Variants in PCDHGA6 observed in about 807,000 individuals in gnomAD.
The protein encoded by PCDHGA6 is protocadherin gamma subfamily A, 6.
A neutral mutation model predicts 60.6 loss-of-function variants in PCDHGA6; 41 were observed. That is an observed-to-expected ratio of 0.68 (90% confidence interval 0.53 to 0.88). PCDHGA6 has a LOEUF of 0.88. Among genes scored for constraint, PCDHGA6 ranks in the 40% least tolerant of loss-of-function variants. PCDHGA6 has a pLI of 0.00. For missense variants in PCDHGA6, 1,312 were observed against 1,203.0 expected, an observed-to-expected ratio of 1.09 and a Z score of -1.34; for synonymous variants, 594 against 524.4, an observed-to-expected ratio of 1.13 and a Z score of -1.81.
chr5:141,417,236 A>T (rs1387216221), intron 1 of PCDHGA6: 2 of 152,220 alleles, frequency 1.3e-5, no homozygotes, highest in Admixed American at 1.3e-4. Flanking sequence ...TTTGTTGCTT[A>T]TCTTCAGTAC....
chr5:141,410,530 T>C (rs1400165380), intron 1 of PCDHGA6: 1 of 1,613,956 alleles, frequency 6.2e-7, no homozygotes, highest in South Asian at 1.1e-5. Context: ...TACATTCCAA[T>C]GAAGACATGG....
intron 1 of PCDHGA6, chr5:141,388,545 C>G: frequency 6.2e-7 from 1 of 1,613,798 alleles, no homozygotes. Flanking sequence ...TGGAGCTCCA[C>G]CCCTAAGCAG....
In PCDHGA6 at chr5:141,423,110, G is replaced by A. The variant is rs62621243; in HGVS notation, c.2424+46603G>A. On this transcript the variant is annotated intron_variant, in intron 1 of 3. Coordinates refer to ENST00000517434, the MANE Select transcript of PCDHGA6 (RefSeq NM_018919.3). ...GTGGGGGAGCACACGGGCGAGGTGC[G>A]TACAGCGCGGGCACTGCTGGACAGA... The A allele has an allele frequency of 0.016, 25,324 of 1,613,842 alleles. 257 individuals carry two copies. Among genetic ancestry groups the A allele is most frequent in the Non-Finnish European group, 0.019 (22,060 of 1,179,980 alleles).
Position 141,477,140 on chromosome 5 carries a change from G to GT in PCDHGA6, c.2425-17665dup. ...AGCACATTGCAAAGTGTTGGTGGAG[G>GT]TTGTGGATGTGAATGACAACGCCCC... On this transcript the variant is annotated intron_variant, in intron 1 of 3. Transcript: ENST00000517434. The surrounding 1 kb of genome is among the most constrained non-coding windows in gnomAD (Gnocchi z 4.9). 1 of 1,614,220 alleles carries GT rather than the reference G, an allele frequency of 6.2e-7. No homozygotes were observed. Among genetic ancestry groups the GT allele is most frequent in the Non-Finnish European group, 8.5e-7 (1 of 1,180,048 alleles).
At chr5:141,410,693 A>C in intron 1 of PCDHGA6, 1 of 1,496,902 alleles carries the variant, frequency 6.7e-7, no homozygotes, top group Non-Finnish European at 8.9e-7. Flanking sequence ...ATACTACTTT[A>C]TTTTCATATC....
rs1226194073 is a variant in PCDHGA6, at chr5:141,490,496, A to G, written c.2425-4311A>G. The G allele has an allele frequency of 6.2e-7, 1 of 1,614,096 alleles. No individual in the cohort carries two copies. Among genetic ancestry groups the G allele is most frequent in the East Asian group, 2.2e-5 (1 of 44,894 alleles). On this transcript the variant is annotated intron_variant, in intron 1 of 3. Coordinates refer to ENST00000517434, the MANE Select transcript of PCDHGA6 (RefSeq NM_018919.3). The surrounding 1 kb of genome is among the most constrained non-coding windows in gnomAD (Gnocchi z 5.4). ...CCTTTGGACCGGGAGGCCACATCCCACTATATCATCGAGCTGCTGGCCAGC... is the reference window on the plus strand; with the variant it reads ...CCTTTGGACCGGGAGGCCACATCCCGCTATATCATCGAGCTGCTGGCCAGC...
chr5:141,437,892 C>A (rs2097916583), intron 1 of PCDHGA6, among the ~76,000 whole-genome samples: 2 of 152,116 alleles, frequency 1.3e-5, no homozygotes, highest in Admixed American at 1.3e-4. Context: ...CACACGCCAC[C>A]ACACCCAGCT....
intron 1 of PCDHGA6, chr5:141,414,152 A>G (rs1251267001): frequency 1.9e-6 from 3 of 1,600,994 alleles, no homozygotes; most frequent in Non-Finnish European, 2.6e-6. Context: ...ATACAAGCAG[A>G]AGATGGAGGA....
chr5:141,433,767 G>T (rs1237334342), intron 1 of PCDHGA6, among the ~76,000 whole-genome samples: 1 of 151,532 alleles, frequency 6.6e-6, no homozygotes, highest in Non-Finnish European at 1.5e-5. Flanking sequence ...AACCTGGGAG[G>T]TGGAGGTTGC....
At position 141,472,368 on chromosome 5, in the gene PCDHGA6, C is replaced by T. The variant is rs555805048; in HGVS notation, c.2425-22439C>T. ...CATCCTGGCTAACACGGTGAAACCC[C>T]GTCTCCACTAAAAATAGAAAAAATT... is the stretch of plus-strand genomic sequence containing the variant. On this transcript the variant is annotated intron_variant, in intron 1 of 3. Transcript: ENST00000517434. Among the ~76,000 whole-genome samples, 214 of 152,012 alleles carry T rather than the reference C, an allele frequency of 1.4e-3. 1 individual carries two copies. The highest frequency in any genetic ancestry group is 4.8e-3 in the African/African-American group (199 of 41,452).
In PCDHGA6 at chr5:141,475,307, T is replaced by C. The variant is rs527879991; in HGVS notation, c.2425-19500T>C. The stretch of plus-strand genomic sequence containing the variant: ...GGTAGGGAAATTTCTTATTGCTCCC[T>C]GGTTCTTAAGAAATGAGAGCTAACA... On this transcript the variant is annotated intron_variant, in intron 1 of 3. Transcript: ENST00000517434. 2.8e-4 allele frequency among the ~76,000 whole-genome samples: 43 copies of C among 152,348 alleles called. 1 individual carries two copies. Among genetic ancestry groups the C allele is most frequent in the Admixed American group, 8.5e-4 (13 of 15,298 alleles).
chr5:141,501,290 TAC>T (rs55762287), intron 2 of PCDHGA6, among the ~76,000 whole-genome samples: 11,544 of 136,022 alleles, frequency 0.085, 708 homozygotes, highest in East Asian at 0.37. Context: ...TATTCCCTTA[TAC>T]ACACACACAC....
At position 141,489,646 on chromosome 5, in the gene PCDHGA6, C is replaced by A. The variant is rs1274955075; in HGVS notation, c.2425-5161C>A. 1.2e-6 allele frequency: 2 copies of A among 1,614,186 alleles called. No homozygotes were observed. The highest frequency in any genetic ancestry group is 2.7e-5 in the African/African-American group (2 of 75,048). On this transcript the variant is annotated intron_variant, in intron 1 of 3. Coordinates refer to ENST00000517434, the MANE Select transcript of PCDHGA6 (RefSeq NM_018919.3). This position sits in a 1 kb window ranked among gnomAD's most constrained non-coding sequence, Gnocchi z 4.5. Reference sequence around the variant, plus strand: ...TGACAACTCTCCTAGCTTTGCCACCCCTGAGCGAGAGATGCGCATCTCAGA... The same window carrying A: ...TGACAACTCTCCTAGCTTTGCCACCACTGAGCGAGAGATGCGCATCTCAGA...
At position 141,413,304 on chromosome 5, in the gene PCDHGA6, A is replaced by T; in HGVS notation, c.2424+36797A>T. The T allele has an allele frequency of 1.9e-6, 3 of 1,613,982 alleles. No individual in the cohort carries two copies. The Admixed American group carries it at 5.0e-5, about 27-fold the overall frequency. On this transcript the variant is annotated intron_variant, in intron 1 of 3. Transcript: ENST00000517434. Reference sequence around the variant, plus strand: ...TCTCCTACTCAATTCCTGAGGAATTAGAGAAAGGCTCTTTCGTGGGCAACA... The same window carrying T: ...TCTCCTACTCAATTCCTGAGGAATTTGAGAAAGGCTCTTTCGTGGGCAACA...
rs762738990 is a variant in PCDHGA6, at chr5:141,404,672, G to C, written c.2424+28165G>C. 8.0e-5 allele frequency: 129 copies of C among 1,614,038 alleles called. 1 individual carries two copies. The South Asian group carries it at 1.4e-3, about 18-fold the overall frequency. ...TGCCCTCCCCACTGATGGTTCTACT[G>C]GTGTGGAGCTGGCACCCCGCTCTGC... On this transcript the variant is annotated intron_variant, in intron 1 of 3. Coordinates refer to ENST00000517434, the MANE Select transcript of PCDHGA6 (RefSeq NM_018919.3).
At chr5:141,456,220 T>C (rs965297694) in intron 1 of PCDHGA6, among the ~76,000 whole-genome samples, 1 of 152,098 alleles carries the variant, frequency 6.6e-6, no homozygotes, top group Admixed American at 6.6e-5. Context: ...TGTGGCGATA[T>C]CAAACTAACT....
At chr5:141,408,303 G>A in intron 1 of PCDHGA6, 3 of 1,613,794 alleles carry the variant, frequency 1.9e-6, no homozygotes, top group Non-Finnish European at 2.5e-6. Flanking sequence ...GAGCCGATCC[G>A]CTACTCGATT....
Position 141,477,187 on chromosome 5 carries a change from G to A in PCDHGA6, c.2425-17620G>A, listed in dbSNP as rs2154575648. ...CCCCGGAGATCACAGTCACCTCCGT[G>A]TACAGCCCAGTACCCGAGGATGCCC... On this transcript the variant is annotated intron_variant, in intron 1 of 3. Coordinates refer to ENST00000517434, the MANE Select transcript of PCDHGA6 (RefSeq NM_018919.3). The surrounding 1 kb of genome is among the most constrained non-coding windows in gnomAD (Gnocchi z 4.9). The A allele has an allele frequency of 6.2e-7, 1 of 1,614,190 alleles. No individual in the cohort carries two copies. The highest frequency in any genetic ancestry group is 2.2e-5 in the East Asian group (1 of 44,874).
chr5:141,474,417 C>A (rs1321402346), intron 1 of PCDHGA6, among the ~76,000 whole-genome samples: 1 of 152,222 alleles, frequency 6.6e-6, no homozygotes, highest in African/African-American at 2.4e-5. Context: ...GATGCCTAGA[C>A]CATTGGTCCT....
Sources: allele counts gnomAD v4.1 joint callset (sites outside exome capture counted in the v4.1 genomes callset), GRCh38; gene constraint gnomAD v4.1.1; non-coding constraint Gnocchi (gnomAD v3.1); transcripts MANE v1.5; gene names NCBI Gene and HGNC (gene_info 2026-07-23, HGNC 2026-07-21).